CSMD1: variants seen among roughly 807,000 people sequenced by gnomAD.
CSMD1 encodes CUB and Sushi multiple domains 1.
Under a neutral mutation model 417.5 loss-of-function variants are expected in CSMD1, and 213 were observed. The observed-to-expected ratio is 0.51, with a 90% CI of 0.46 to 0.57. The LOEUF (loss-of-function observed/expected upper bound fraction) is 0.57, where lower values mean the gene tolerates loss of function less well. CSMD1 is among the 20% of genes least tolerant of loss of function. The pLI is 0.00. For synonymous variants in CSMD1, 2,862 were observed against 1,736.8 expected, an observed-to-expected ratio of 1.65 and a Z score of -16.11; for missense variants, 6,923 against 4,529.7, an observed-to-expected ratio of 1.53 and a Z score of -15.17.
At chr8:4,792,895 A>C (rs2117241815) in intron 1 of CSMD1, among the ~76,000 whole-genome samples, 1 of 152,154 alleles carries the variant, frequency 6.6e-6, no homozygotes, top group Admixed American at 6.5e-5. Context: ...CTCTGCCAGC[A>C]CATTTGAGTT....
chr8:4,138,968 G>C (rs992991993), intron 3 of CSMD1, among the ~76,000 whole-genome samples: 2 of 152,146 alleles, frequency 1.3e-5, no homozygotes, highest in South Asian at 4.1e-4. Context: ...CACTCGCCAT[G>C]CATCTTTCCT....
At position 3,646,830 on chromosome 8, in the gene CSMD1, C is replaced by A. The variant is rs1445693101; in HGVS notation, c.1010-30033G>T. ...CTGTCTTGCTTCCCCTGCCTCCTCC[C>A]ACCCGCTGGCTGCTTGCCTCTCTGG... On this transcript the variant is annotated intron_variant, in intron 7 of 69. Coordinates refer to ENST00000635120, the MANE Select transcript of CSMD1 (RefSeq NM_033225.6). Among the ~76,000 whole-genome samples the A allele has an allele frequency of 2.0e-5, 3 of 152,158 alleles. No individual in the cohort carries two copies. In the East Asian group the frequency reaches 5.8e-4, roughly 29 times the overall value.
In CSMD1 at chr8:3,307,833, A is replaced by C. The variant is rs755676173; in HGVS notation, c.3824-12T>G. On this transcript the variant is annotated splice_polypyrimidine_tract_variant and intron_variant, in intron 24 of 69. Transcript: ENST00000635120. ...ACCACCACATTCCGCTGTAGAAGAC[A>C]CAGAGAGATGGGAACGTTCAGCTTC... 1 of 1,607,780 alleles carries C rather than the reference A, an allele frequency of 6.2e-7. No homozygotes were observed.
intron 3 of CSMD1, among the ~76,000 whole-genome samples, chr8:4,411,736 T>C (rs1422740009): frequency 6.6e-6 from 1 of 152,202 alleles, no homozygotes; most frequent in Non-Finnish European, 1.5e-5. Flanking sequence ...TATTTGTACA[T>C]ATAGACGTTC....
chr8:3,774,317 T>G (rs376671831), intron 5 of CSMD1, among the ~76,000 whole-genome samples: 85 of 152,246 alleles, frequency 5.6e-4, no homozygotes, highest in African/African-American at 1.1e-3. Context: ...TGGGTTTCAG[T>G]AGAGTACACA....
chr8:4,115,116 GA>G (rs1324703411), intron 3 of CSMD1, among the ~76,000 whole-genome samples: 4 of 152,062 alleles, frequency 2.6e-5, no homozygotes, highest in Non-Finnish European at 4.4e-5. Context: ...AATCTTTCAT[GA>G]AAAAAAGTCC....
intron 4 of CSMD1, among the ~76,000 whole-genome samples, chr8:4,017,185 T>C (rs763175157): frequency 1.3e-5 from 2 of 152,260 alleles, no homozygotes; most frequent in Non-Finnish European, 2.9e-5. Context: ...AGCTTCCTTC[T>C]AGATATCTTT....
At chr8:4,408,361 C>A (rs932361803) in intron 3 of CSMD1, among the ~76,000 whole-genome samples, 2 of 152,328 alleles carry the variant, frequency 1.3e-5, no homozygotes, top group African/African-American at 4.8e-5. Context: ...AAGGGCGTAT[C>A]ATCCTCTACT....
At chr8:4,221,021 G>C (rs1011113539) in intron 3 of CSMD1, among the ~76,000 whole-genome samples, 1 of 152,146 alleles carries the variant, frequency 6.6e-6, no homozygotes, top group African/African-American at 2.4e-5. Context: ...CGCAGGAGGA[G>C]GCCAGTGATT....
intron 5 of CSMD1, among the ~76,000 whole-genome samples, chr8:3,758,449 G>C (rs1013676801): frequency 8.5e-5 from 13 of 152,144 alleles, no homozygotes; most frequent in East Asian, 1.9e-4. Flanking sequence ...TTGGGAAAGG[G>C]GGTTGTTCCA....
chr8:4,299,457 G>C (rs146431388), intron 3 of CSMD1, among the ~76,000 whole-genome samples: 6 of 152,206 alleles, frequency 3.9e-5, no homozygotes, highest in South Asian at 2.1e-4. Flanking sequence ...ACTAGTAATT[G>C]GTTCTTTAAT....
At chr8:4,232,625 G>C (rs922158594) in intron 3 of CSMD1, among the ~76,000 whole-genome samples, 3 of 152,154 alleles carry the variant, frequency 2.0e-5, no homozygotes, top group African/African-American at 4.8e-5. Flanking sequence ...CTGCAAATTA[G>C]ATGAAGGGTA....
At chr8:3,311,254 A>G (rs1805321148) in intron 23 of CSMD1, among the ~76,000 whole-genome samples, 1 of 151,956 alleles carries the variant, frequency 6.6e-6, no homozygotes, top group African/African-American at 2.4e-5. Flanking sequence ...CTAATAACAA[A>G]CAACTTTTTT....
chr8:4,715,900 C>T (rs1808624047), intron 1 of CSMD1, among the ~76,000 whole-genome samples: 1 of 152,188 alleles, frequency 6.6e-6, no homozygotes, highest in African/African-American at 2.4e-5. Flanking sequence ...CCTGGTTCCT[C>T]TAGAGTCTAT....
intron 42 of CSMD1, among the ~76,000 whole-genome samples, chr8:3,111,510 C>T (rs73657577): frequency 2.0e-5 from 3 of 152,008 alleles, no homozygotes; most frequent in Non-Finnish European, 4.4e-5. Context: ...TCAGGGTCTG[C>T]GATACTCCTG....
chr8:3,017,518 G>A (rs1467479168), intron 52 of CSMD1, among the ~76,000 whole-genome samples: 1 of 152,136 alleles, frequency 6.6e-6, no homozygotes, highest in Non-Finnish European at 1.5e-5. Flanking sequence ...ACACTAGACA[G>A]AGTGAGAAAG....
At chr8:4,925,891 C>T (rs1216047483) in intron 1 of CSMD1, among the ~76,000 whole-genome samples, 1 of 152,120 alleles carries the variant, frequency 6.6e-6, no homozygotes, top group East Asian at 1.9e-4. Context: ...CTGTCATGCT[C>T]AGTATGCAAA....
At chr8:3,124,159 GA>G (rs1354616246) in intron 41 of CSMD1, among the ~76,000 whole-genome samples, 4 of 152,078 alleles carry the variant, frequency 2.6e-5, no homozygotes, top group Non-Finnish European at 5.9e-5. Flanking sequence ...GGGGGGAGCA[GA>G]TTAGCCCATA....
chr8:3,008,796 C>T lies in CSMD1; in HGVS notation c.8030-8665G>A, dbSNP rs150858442. 3.6e-3 allele frequency among the ~76,000 whole-genome samples: 547 copies of T among 152,304 alleles called. 4 individuals carry two copies. The highest frequency in any genetic ancestry group is 0.01 in the African/African-American group (431 of 41,568). ...TTATGCGGTTTGCAACCTAAAACCA[C>T]CACACTGATTGTCAGTGGTGACTTT... On this transcript the variant is annotated intron_variant, in intron 52 of 69. Coordinates refer to ENST00000635120, the MANE Select transcript of CSMD1 (RefSeq NM_033225.6).
Sources: gnomAD v4.1 joint callset for allele counts (sites outside exome capture counted in the v4.1 genomes callset) on GRCh38, gnomAD v4.1.1 for gene constraint, MANE v1.5 for transcripts, NCBI Gene and HGNC (gene_info 2026-07-23, HGNC 2026-07-21) for gene names.